Variants in SLC41A3 observed in about 807,000 individuals in gnomAD.
SLC41A3 encodes solute carrier family 41 member 3.
Under a neutral mutation model 45.4 loss-of-function variants are expected in SLC41A3, and 44 were observed. The ratio of observed to expected loss-of-function variants is 0.97; its 90% CI spans 0.76 to 1.25. The LOEUF (loss-of-function observed/expected upper bound fraction) is 1.25, where lower values mean the gene tolerates loss of function less well. Among genes scored for constraint, SLC41A3 ranks in the 50% most tolerant of loss-of-function variants. The probability of loss-of-function intolerance (pLI) is 0.00; values close to 1 mark genes in which losing one functional copy is unlikely to be tolerated. For synonymous variants in SLC41A3, 256 were observed against 252.4 expected (o/e 1.01, Z -0.13); for missense variants, 550 against 600.6 (o/e 0.92, Z 0.88).
intron 3 of SLC41A3, among the ~76,000 whole-genome samples, chr3:126,044,667 G>A (rs1312114881): frequency 1.3e-5 from 2 of 151,836 alleles, no homozygotes; most frequent in South Asian, 2.1e-4. Context: ...AGGCCGAGAC[G>A]GGTGGATCAC....
chr3:126,035,906 G>C (rs1008376271), intron 3 of SLC41A3, among the ~76,000 whole-genome samples: 1 of 152,110 alleles, frequency 6.6e-6, no homozygotes, highest in African/African-American at 2.4e-5. Flanking sequence ...GGAGGTCCTA[G>C]AGATATCAGG....
intron 4 of SLC41A3, among the ~76,000 whole-genome samples, chr3:126,030,276 A>C (rs1941702128): frequency 7.4e-6 from 1 of 135,780 alleles, no homozygotes; most frequent in African/African-American, 2.7e-5. Flanking sequence ...TATGATATAT[A>C]ATATATAATT....
At chr3:126,099,482 C>T (rs1279742853) in intron 1 of SLC41A3, among the ~76,000 whole-genome samples, 1 of 152,078 alleles carries the variant, frequency 6.6e-6, no homozygotes, top group Non-Finnish European at 1.5e-5. Flanking sequence ...GTGGCCAAGG[C>T]GGGTGGATCA....
intron 3 of SLC41A3, among the ~76,000 whole-genome samples, chr3:126,043,155 G>T (rs1308663162): frequency 6.6e-6 from 1 of 152,048 alleles, no homozygotes; most frequent in African/African-American, 2.4e-5. Flanking sequence ...AGCCAACAGA[G>T]GAAAGAGACT....
intron 9 of SLC41A3, among the ~76,000 whole-genome samples, chr3:126,011,633 A>G (rs930478675): frequency 6.6e-6 from 1 of 152,250 alleles, no homozygotes; most frequent in African/African-American, 2.4e-5. Flanking sequence ...ATACCAATAC[A>G]TATCATAATC....
chr3:126,057,233 T>C, intron 2 of SLC41A3: 1 of 927,544 alleles, frequency 1.1e-6, no homozygotes, highest in Non-Finnish European at 1.3e-6. Flanking sequence ...CACAGGAAGC[T>C]GTGTTCACAG....
intron 10 of SLC41A3, among the ~76,000 whole-genome samples, chr3:126,008,304 T>C (rs1939322334): frequency 6.6e-6 from 1 of 152,240 alleles, no homozygotes; most frequent in African/African-American, 2.4e-5. Flanking sequence ...ACACACTCTG[T>C]AGCATGCATG....
chr3:126,035,837 G>A (rs774981184), intron 3 of SLC41A3, among the ~76,000 whole-genome samples: 20 of 152,160 alleles, frequency 1.3e-4, no homozygotes, highest in South Asian at 2.1e-4. Context: ...CGCCACCCAC[G>A]AGGGGGCTCT....
At position 126,068,033 on chromosome 3, in the gene SLC41A3, A is replaced by C; in HGVS notation, c.187T>G (p.Trp63Gly). 1 of 1,613,982 alleles carries C rather than the reference A, an allele frequency of 6.2e-7. No individual in the cohort carries two copies. The highest frequency in any genetic ancestry group is 1.3e-5 in the African/African-American group (1 of 74,996). Residue 63 changes from tryptophan to glycine, a missense_variant, in exon 2 of 11, where the codon TGG becomes GGG. Transcript: ENST00000360370. ...LETEPSRETT[W>G]SIGLQVTVPF... Reference sequence around the variant, plus strand: ...ACGGTCACCTGAAGGCCTATGGACCAGGTGGTCTCCCTGCTAGGCTCAGTC... The same window carrying C: ...ACGGTCACCTGAAGGCCTATGGACCCGGTGGTCTCCCTGCTAGGCTCAGTC...
intron 1 of SLC41A3, among the ~76,000 whole-genome samples, chr3:126,089,605 G>A (rs1185905237): frequency 6.6e-6 from 1 of 152,154 alleles, no homozygotes; most frequent in Non-Finnish European, 1.5e-5. Context: ...ATACTAGTCA[G>A]GACAAATCCT....
intron 1 of SLC41A3, among the ~76,000 whole-genome samples, chr3:126,077,553 TG>T (rs2108072364): frequency 6.6e-6 from 1 of 152,240 alleles, no homozygotes; most frequent in South Asian, 2.1e-4. Flanking sequence ...GGATTTTATT[TG>T]ATAGAAAGTA....
chr3:126,057,364 G>A (rs1943737096), intron 2 of SLC41A3, among the ~76,000 whole-genome samples: 1 of 152,220 alleles, frequency 6.6e-6, no homozygotes, highest in Admixed American at 6.5e-5. Flanking sequence ...TCCTCACCCA[G>A]AGAAGGAGAA....
rs1050790869 is a variant in SLC41A3 at position 126,056,758 on chromosome 3, C to T, written c.274-5708G>A. ...GCACAGATGAGTGAGGAACAAAGGC[C>T]AGTGTGACTCACGGCCTCATTACAG... is the stretch of plus-strand genomic sequence containing the variant. On this transcript the variant is annotated intron_variant, in intron 2 of 10. Coordinates refer to ENST00000360370, the MANE Select transcript of SLC41A3 (RefSeq NM_017836.4). The T allele has an allele frequency of 5.7e-6, 8 of 1,404,362 alleles. No homozygotes were observed. In the African/African-American group the frequency reaches 1.2e-4, roughly 20 times the overall value. 87.0% of individuals were successfully genotyped at this position (1,404,362 alleles called of 1,614,324 possible). A position where few individuals can be genotyped will look rare whatever the true frequency, so the allele number is the denominator to read the frequency against.
At chr3:126,055,033 G>C (rs942200144) in intron 2 of SLC41A3, among the ~76,000 whole-genome samples, 7 of 151,972 alleles carry the variant, frequency 4.6e-5, no homozygotes, top group African/African-American at 1.7e-4. Flanking sequence ...GGGAGGCATC[G>C]TGAGCTCAGA....
intron 3 of SLC41A3, among the ~76,000 whole-genome samples, chr3:126,046,356 T>TAC (rs66615933): frequency 0.25 from 38,307 of 150,378 alleles, 5,184 homozygotes; most frequent in African/African-American, 0.35. Context: ...CTCTAAAGAT[T>TAC]ACACACACAC....
At chr3:126,077,076 C>T (rs1422394552) in intron 1 of SLC41A3, among the ~76,000 whole-genome samples, 3 of 152,180 alleles carry the variant, frequency 2.0e-5, no homozygotes, top group Non-Finnish European at 4.4e-5. Context: ...ATAATTTAGA[C>T]AATACAAAAT....
At chr3:126,063,033 C>T (rs1388337510) in intron 2 of SLC41A3, among the ~76,000 whole-genome samples, 2 of 152,208 alleles carry the variant, frequency 1.3e-5, no homozygotes, top group African/African-American at 4.8e-5. Flanking sequence ...CTCCACCCTG[C>T]ACTGTGCACC....
intron 3 of SLC41A3, among the ~76,000 whole-genome samples, chr3:126,045,311 A>G (rs1225676808): frequency 6.6e-6 from 1 of 151,732 alleles, no homozygotes; most frequent in African/African-American, 2.4e-5. Context: ...GAGAACAGAA[A>G]AATAACAGAG....
intron 4 of SLC41A3, among the ~76,000 whole-genome samples, chr3:126,029,541 T>G (rs951630576): frequency 1.3e-5 from 2 of 152,196 alleles, no homozygotes; most frequent in Non-Finnish European, 2.9e-5. Context: ...CTTTTCTTTA[T>G]AAATTACCCA....
Sources: gnomAD v4.1 joint callset for allele counts (sites outside exome capture counted in the v4.1 genomes callset) on GRCh38, gnomAD v4.1.1 for gene constraint, MANE v1.5 for transcripts, NCBI Gene and HGNC (gene_info 2026-07-23, HGNC 2026-07-21) for gene names.